TPM1: variants seen among roughly 807,000 people sequenced by gnomAD.
The protein encoded by TPM1 is tropomyosin alpha-1 chain.
A neutral mutation model predicts 42.9 loss-of-function variants in TPM1; 24 were observed. The ratio of observed to expected loss-of-function variants is 0.56; its 90% confidence interval spans 0.41 to 0.79. TPM1 has a LOEUF of 0.79. TPM1 is among the 30% of genes least tolerant of loss of function. TPM1 has a pLI of 0.00. For synonymous variants in TPM1, 136 were observed against 130.1 expected, an observed-to-expected ratio of 1.05 and a Z score of -0.31; for missense variants, 158 against 351.8, an observed-to-expected ratio of 0.45 and a Z score of 4.41.
intron 3 of TPM1, 93 bp from the exon 4 acceptor site, chr15:63,059,470 C>T: frequency 1.0e-6 from 1 of 999,936 alleles, no homozygotes; most frequent in Non-Finnish European, 1.6e-6. Context: ...TGGTCTACCA[C>T]TTACACTAAG....
chr15:63,062,542 A>G (rs749319431), intron 7 of TPM1, 34 bp from the exon 8 acceptor site: 3 of 1,612,946 alleles, frequency 1.9e-6, no homozygotes, highest in East Asian at 4.5e-5. Flanking sequence ...GAAACATAAA[A>G]CTTCCCAACT....
chr15:63,058,695 C>G lies in TPM1; in HGVS notation c.375-868C>G, dbSNP rs145084228. On this transcript the variant is annotated intron_variant, in intron 3 of 9. Coordinates refer to ENST00000403994, the MANE Select transcript of TPM1 (RefSeq NM_001018005.2). ...CCGCACTCCAACCTGGGTGACAGAGCGAGACTCTGTCTCAAAAAATAAAAA... is the reference window on the plus strand; with the variant it reads ...CCGCACTCCAACCTGGGTGACAGAGGGAGACTCTGTCTCAAAAAATAAAAA... Among the ~76,000 whole-genome samples, 421 of 152,092 alleles carry G rather than the reference C, an allele frequency of 2.8e-3. 6 individuals are homozygous for G. The East Asian group carries it at 0.039, about 14-fold the overall frequency.
At position 63,064,125 on chromosome 15, in the gene TPM1, C is replaced by T; in HGVS notation, c.834C>T (p.Leu278=). The T allele has an allele frequency of 1.2e-6, 2 of 1,614,054 alleles. No homozygotes were observed. Among genetic ancestry groups the T allele is most frequent in the Non-Finnish European group, 1.7e-6 (2 of 1,179,990 alleles). ...KAISEELDHA[L]NDMTSI ...TCAGCGAGGAGCTGGACCACGCTCT[C>T]AACGATATGACTTCCATGTAAACGT... is the stretch of plus-strand genomic sequence containing the variant. Residue 278 remains leucine, a synonymous_variant, in exon 9 of 10, where the codon CTC becomes CTT. Transcript: ENST00000403994.
intron 7 of TPM1, 144 bp from the exon 8 acceptor site, chr15:63,062,432 C>A: frequency 8.0e-7 from 1 of 1,248,638 alleles, no homozygotes; most frequent in Non-Finnish European, 1.2e-6. Flanking sequence ...ACTGCCATTT[C>A]TCACAGAGGT....
intron 9 of TPM1, 99 bp downstream of exon 9, chr15:63,064,241 A>T (rs1734029115): frequency 6.5e-7 from 1 of 1,548,108 alleles, no homozygotes; most frequent in African/African-American, 1.4e-5. Flanking sequence ...CCATCTTTGC[A>T]CTCTTGTGTT....
At chr15:63,069,917 C>A (rs1415921572), downstream of TPM1, 8 of 1,613,998 alleles carry the variant, frequency 5.0e-6, no homozygotes, top group South Asian at 6.6e-5. Context: ...CACTAATGAA[C>A]TAAAGCTGGC....
Position 63,044,019 on chromosome 15 carries a change from A to C in TPM1, c.115-8A>C, listed in dbSNP as rs1490051529. 6.2e-7 allele frequency: 1 copy of C among 1,613,136 alleles called. No homozygotes were observed. Among genetic ancestry groups the C allele is most frequent in the Admixed American group, 1.7e-5 (1 of 59,934 alleles). On this transcript the variant is annotated splice_region_variant and splice_polypyrimidine_tract_variant and intron_variant, in intron 1 of 9. Transcript: ENST00000403994. ...CCTCCCTCCCTGTACCCCCTGGCCA[A>C]CTCCCAGCTGGAAGATGAGCTGGTG... is the stretch of plus-strand genomic sequence containing the variant.
At chr15:63,065,187 TATC>T (rs1395126019) in intron 9 of TPM1, 2 of 985,462 alleles carry the variant, frequency 2.0e-6, no homozygotes, top group Non-Finnish European at 1.2e-6. Flanking sequence ...GTAGTCTTGT[TATC>T]ATGAGAAGAA....
downstream of TPM1, among the ~76,000 whole-genome samples, chr15:63,066,885 T>C (rs2036306964): frequency 1.9e-5 from 2 of 104,262 alleles, no homozygotes; most frequent in South Asian, 8.4e-4. Flanking sequence ...AATATAGCAA[T>C]GAAAGTTTCT....
chr15:63,048,905 A>G (rs970147960), intron 2 of TPM1: 1 of 709,284 alleles, frequency 1.4e-6, no homozygotes, highest in Non-Finnish European at 2.4e-6. Flanking sequence ...TTTGTTTTCC[A>G]TCTCGCTGAT....
chr15:63,070,111 A>G (rs1372324008), downstream of TPM1: 5 of 1,495,206 alleles, frequency 3.3e-6, no homozygotes, highest in Admixed American at 2.1e-5. Flanking sequence ...GTTTCTCTAT[A>G]TGGCTGGAAT....
In TPM1 at chr15:63,043,086, G is replaced by C. The variant is rs2031512480; in HGVS notation, c.114+143G>C. ...CCAGGGCGGCCAGGGCGCGCGTCTG[G>C]AAAGAAGGAAGGGAAACGCAAGAGC... On this transcript the variant is annotated intron_variant, in intron 1 of 9. Coordinates refer to ENST00000403994, the MANE Select transcript of TPM1 (RefSeq NM_001018005.2). 8 of 719,448 alleles carry C rather than the reference G, an allele frequency of 1.1e-5. No homozygotes were observed. The South Asian group carries it at 1.3e-4, about 12-fold the overall frequency. The allele number at this position is 719,448 out of a possible 1,614,324, so 44.6% of individuals were successfully genotyped here.
chr15:63,052,388 T>C (rs1042066994), intron 2 of TPM1, among the ~76,000 whole-genome samples: 48 of 152,226 alleles, frequency 3.2e-4, no homozygotes, highest in African/African-American at 1.1e-3. Flanking sequence ...CCGAGCATGG[T>C]GTCACGTGCC....
exon 9 of TPM1, chr15:63,071,329 A>C: frequency 1.3e-6 from 1 of 799,816 alleles, no homozygotes; most frequent in South Asian, 1.6e-5. Context: ...CACATACAAA[A>C]AGGCAAGCCC....
At chr15:63,050,684 A>G (rs2140794792) in intron 2 of TPM1, among the ~76,000 whole-genome samples, 1 of 152,372 alleles carries the variant, frequency 6.6e-6, no homozygotes, top group African/African-American at 2.4e-5. Flanking sequence ...TTGATTGAAC[A>G]CAGAACCTTT....
chr15:63,064,058 T>A lies in TPM1; in HGVS notation c.773-6T>A, dbSNP rs374049254. The A allele has an allele frequency of 6.2e-7, 1 of 1,613,920 alleles. No homozygotes were observed. The highest frequency in any genetic ancestry group is 8.5e-7 in the Non-Finnish European group (1 of 1,180,012). On this transcript the variant is annotated splice_polypyrimidine_tract_variant and splice_region_variant and intron_variant, in intron 8 of 9. Transcript: ENST00000403994. Reference sequence around the variant, plus strand: ...TGCACCTCTGCCTTCCACTTCCTGGTCATAGACGAGCTGTACGCTCAGAAA... The same window carrying A: ...TGCACCTCTGCCTTCCACTTCCTGGACATAGACGAGCTGTACGCTCAGAAA...
chr15:63,055,361 C>T (rs2034618364), intron 2 of TPM1, among the ~76,000 whole-genome samples: 1 of 152,160 alleles, frequency 6.6e-6, no homozygotes, highest in Non-Finnish European at 1.5e-5. Context: ...ACCTCTCTTC[C>T]CAGATAAAAC....
Position 63,042,774 on chromosome 15 carries a change from C to A in TPM1, c.-56C>A. On this transcript the variant is annotated 5_prime_UTR_variant, in exon 1 of 10. Transcript: ENST00000403994. ...TCGCACTCCCGCTCCTCCGCCCGACCGCGCGCTCGCCCCGCCGCTCCTGCT... is the reference window on the plus strand; with the variant it reads ...TCGCACTCCCGCTCCTCCGCCCGACAGCGCGCTCGCCCCGCCGCTCCTGCT... 1 of 1,493,296 alleles carries A rather than the reference C, an allele frequency of 6.7e-7. No individual in the cohort carries two copies. The highest frequency in any genetic ancestry group is 1.1e-5 in the South Asian group (1 of 87,160). 92.5% of individuals were successfully genotyped at this position (1,493,296 alleles called of 1,614,324 possible).
intron 4 of TPM1, 40 bp downstream of exon 4, chr15:63,059,720 G>A (rs1447629787): frequency 1.4e-6 from 2 of 1,441,950 alleles, no homozygotes; most frequent in South Asian, 1.1e-5. Flanking sequence ...ACACCCAGCA[G>A]TGGCCTTCAG....
Sources: allele counts gnomAD v4.1 joint callset (sites outside exome capture counted in the v4.1 genomes callset), GRCh38; gene constraint gnomAD v4.1.1; transcripts MANE v1.5; gene names NCBI Gene and HGNC (gene_info 2026-07-23, HGNC 2026-07-21).